Variants in LDLRAD3 observed in about 807,000 individuals in gnomAD.
LDLRAD3 encodes low density lipoprotein receptor class A domain containing 3, also known as low-density lipoprotein receptor class A domain-containing protein 3.
A neutral mutation model predicts 29.4 loss-of-function variants in LDLRAD3; 20 were observed. The observed-to-expected ratio is 0.68, with a 90% CI of 0.48 to 0.99. LDLRAD3 has a LOEUF of 0.99. LDLRAD3 is among the 50% of genes least tolerant of loss of function. The pLI is 0.00. For missense variants in LDLRAD3, 420 were observed against 454.3 expected, an observed-to-expected ratio of 0.92 and a Z score of 0.69; for synonymous variants, 157 against 192.7, an observed-to-expected ratio of 0.81 and a Z score of 1.53.
At chr11:36,178,433 C>T (rs77303008) in intron 4 of LDLRAD3, among the ~76,000 whole-genome samples, 18,295 of 152,120 alleles carry the variant, frequency 0.12, 1,278 homozygotes, top group Admixed American at 0.2. Flanking sequence ...CTCCTCATTC[C>T]GTCGTACGCC....
intron 1 of LDLRAD3, among the ~76,000 whole-genome samples, chr11:35,989,587 C>A (rs747449078): frequency 6.6e-6 from 1 of 151,952 alleles, no homozygotes; most frequent in Non-Finnish European, 1.5e-5. Context: ...GATCTTTCAC[C>A]TGCTTAGTTA....
intron 1 of LDLRAD3, among the ~76,000 whole-genome samples, chr11:36,008,499 G>A (rs1312567943): frequency 6.6e-6 from 1 of 152,186 alleles, no homozygotes; most frequent in African/African-American, 2.4e-5. Flanking sequence ...GTCAAGAAAT[G>A]TAACTTTAAA....
intron 1 of LDLRAD3, among the ~76,000 whole-genome samples, chr11:35,959,400 A>C (rs1226634015): frequency 1.3e-5 from 2 of 152,146 alleles, no homozygotes; most frequent in South Asian, 4.1e-4. Context: ...CTTAACACAC[A>C]GTATTGCAGT....
intron 4 of LDLRAD3, among the ~76,000 whole-genome samples, chr11:36,160,107 G>C (rs1308542182): frequency 1.3e-5 from 2 of 152,198 alleles, no homozygotes; most frequent in South Asian, 4.2e-4. Flanking sequence ...AGAAAGAAAA[G>C]CATCTCCCTT....
intron 1 of LDLRAD3, among the ~76,000 whole-genome samples, chr11:35,995,132 A>G (rs1851737893): frequency 6.6e-6 from 1 of 152,240 alleles, no homozygotes; most frequent in South Asian, 2.1e-4. Context: ...TTTTGAATTT[A>G]CTTGGCCCAT....
At chr11:36,110,945 T>G (rs1443984044) in intron 4 of LDLRAD3, among the ~76,000 whole-genome samples, 2 of 151,988 alleles carry the variant, frequency 1.3e-5, no homozygotes, top group African/African-American at 2.4e-5. Context: ...AAAACAAACG[T>G]GGGGCTGGGC....
intron 4 of LDLRAD3, among the ~76,000 whole-genome samples, chr11:36,169,417 T>C (rs760640117): frequency 6.6e-6 from 1 of 152,208 alleles, no homozygotes; most frequent in African/African-American, 2.4e-5. Context: ...TTTGTACCTA[T>C]TAACCAAACT....
intron 3 of LDLRAD3, among the ~76,000 whole-genome samples, chr11:36,098,044 G>T (rs1267718452): frequency 1.3e-5 from 2 of 152,230 alleles, no homozygotes; most frequent in Non-Finnish European, 2.9e-5. Context: ...AGAGATTCCT[G>T]TTGCTGGTGT....
At chr11:36,100,763 A>G (rs988099682) in intron 4 of LDLRAD3, among the ~76,000 whole-genome samples, 4 of 152,162 alleles carry the variant, frequency 2.6e-5, no homozygotes, top group Admixed American at 1.3e-4. Flanking sequence ...GTGTGTATGT[A>G]TCCTGGACTC....
intron 1 of LDLRAD3, among the ~76,000 whole-genome samples, chr11:36,021,294 T>C (rs1852091651): frequency 1.3e-5 from 2 of 152,182 alleles, no homozygotes; most frequent in African/African-American, 4.8e-5. Context: ...AGATATCGCT[T>C]GTTTAAGCAG....
intron 2 of LDLRAD3, among the ~76,000 whole-genome samples, chr11:36,040,347 T>C (rs766508879): frequency 3.3e-5 from 5 of 151,654 alleles, no homozygotes; most frequent in Non-Finnish European, 5.9e-5. Flanking sequence ...ATTGTAAAAA[T>C]TGAGGGCAGA....
rs1431636154 is a variant in LDLRAD3 at position 36,199,581 on chromosome 11, A to ACG, written c.455-27503_455-27502insGC. 2.1e-4 allele frequency among the ~76,000 whole-genome samples: 29 copies of ACG among 140,996 alleles called. No individual in the cohort carries two copies. The East Asian group carries it at 2.2e-3, about 11-fold the overall frequency. The allele number at this position is 140,996 out of a possible 152,430, so 92.5% of individuals were successfully genotyped here. On this transcript the variant is annotated intron_variant, in intron 4 of 5. Coordinates refer to ENST00000315571, the MANE Select transcript of LDLRAD3 (RefSeq NM_174902.4). ...GCTGTGGTTCTACACACACACACAC[A>ACG]CACACACGCACGCACGCGTGCGCGC...
intron 4 of LDLRAD3, among the ~76,000 whole-genome samples, chr11:36,105,234 TGTGTGAGAGAGAGA>T (rs1168273929): frequency 6.8e-5 from 10 of 147,320 alleles, no homozygotes; most frequent in African/African-American, 2.6e-4. Flanking sequence ...TGTGTGTGTG[TGTGTGAGAGAGAGA>T]GAGAGAGAGA....
intron 2 of LDLRAD3, among the ~76,000 whole-genome samples, chr11:36,057,396 T>C (rs1358018716): frequency 1.3e-5 from 2 of 152,240 alleles, no homozygotes; most frequent in Non-Finnish European, 1.5e-5. Context: ...ATCTTTCGTC[T>C]GTCCCTTGGC....
chr11:36,197,686 G>A (rs1005470218), intron 4 of LDLRAD3: 3 of 152,158 alleles, frequency 2.0e-5, no homozygotes, highest in Non-Finnish European at 2.9e-5. Flanking sequence ...AAAACAAAGC[G>A]AAACTATACC....
chr11:35,954,547 A>G (rs1380757852), intron 1 of LDLRAD3, among the ~76,000 whole-genome samples: 1 of 152,230 alleles, frequency 6.6e-6, no homozygotes, highest in African/African-American at 2.4e-5. Flanking sequence ...ATCACTAAAG[A>G]CATGACTATG....
chr11:36,030,155 G>C (rs536869001), intron 1 of LDLRAD3, among the ~76,000 whole-genome samples: 3 of 152,318 alleles, frequency 2.0e-5, no homozygotes, highest in African/African-American at 7.2e-5. Flanking sequence ...GTGCTCAGGG[G>C]CTTAGACCCA....
chr11:36,162,581 G>A (rs1854458825), intron 4 of LDLRAD3, among the ~76,000 whole-genome samples: 1 of 152,204 alleles, frequency 6.6e-6, no homozygotes, highest in Admixed American at 6.5e-5. Context: ...GTCAGCTGTG[G>A]CTGTGCTCCT....
intron 4 of LDLRAD3, among the ~76,000 whole-genome samples, chr11:36,225,071 A>G (rs1855480949): frequency 6.6e-6 from 1 of 152,198 alleles, no homozygotes; most frequent in Admixed American, 6.5e-5. Context: ...ACAGCAGTGA[A>G]CAAAACAGAC....
Sources: gnomAD v4.1 joint callset for allele counts (sites outside exome capture counted in the v4.1 genomes callset) on GRCh38, gnomAD v4.1.1 for gene constraint, MANE v1.5 for transcripts, NCBI Gene and HGNC (gene_info 2026-07-23, HGNC 2026-07-21) for gene names.